STEAP4: variants seen among roughly 807,000 people sequenced by gnomAD.
STEAP4 encodes metalloreductase STEAP4.
In STEAP4, 36 loss-of-function variants were observed where a neutral mutation model predicts 43.6. That is an observed-to-expected ratio of 0.83 (90% CI 0.63 to 1.09). The LOEUF (loss-of-function observed/expected upper bound fraction) is 1.09. Among genes scored for constraint, STEAP4 ranks in the 50% least tolerant of loss-of-function variants. STEAP4 has a pLI of 0.00. For synonymous variants in STEAP4, 191 were observed against 196.7 expected, an observed-to-expected ratio of 0.97 and a Z score of 0.24; for missense variants, 495 against 546.5, an observed-to-expected ratio of 0.91 and a Z score of 0.94.
At chr7:88,285,827 A>T (rs1318442259) in intron 1 of STEAP4, among the ~76,000 whole-genome samples, 5 of 151,968 alleles carry the variant, frequency 3.3e-5, no homozygotes, top group Non-Finnish European at 5.9e-5. Context: ...AATAAGTTTT[A>T]AAAAAATTCA....
At position 88,275,596 on chromosome 7, in the gene STEAP4, ATG is replaced by A. The variant is rs1235605732; in HGVS notation, c.*3800_*3801del. ...CCTGTAAGGCTATCTGTGGGCTCTC[ATG>A]GGGTGTGTGTGTGTGTGTGTGTGTG... On this transcript the variant is annotated 3_prime_UTR_variant, in exon 5 of 5. Coordinates refer to ENST00000380079, the MANE Select transcript of STEAP4 (RefSeq NM_024636.4). The A allele has an allele frequency of 1.4e-5, 2 of 144,858 alleles. No homozygotes were observed. Among genetic ancestry groups the A allele is most frequent in the African/African-American group, 5.3e-5 (2 of 37,998 alleles). 9.0% of individuals were successfully genotyped at this position (144,858 alleles called of 1,614,324 possible).
chr7:88,297,089 C>G (rs999946787), intron 1 of STEAP4, among the ~76,000 whole-genome samples: 1 of 152,106 alleles, frequency 6.6e-6, no homozygotes, highest in African/African-American at 2.4e-5. Context: ...TTTTCAAATT[C>G]TTTCTTTTAA....
chr7:88,294,067 G>A (rs1162951935), intron 1 of STEAP4, among the ~76,000 whole-genome samples: 1 of 152,112 alleles, frequency 6.6e-6, no homozygotes, highest in Non-Finnish European at 1.5e-5. Context: ...ATAGATGACT[G>A]TGCTAAAAAA....
intron 1 of STEAP4, among the ~76,000 whole-genome samples, chr7:88,291,816 TC>T (rs2115992696): frequency 6.6e-6 from 1 of 152,282 alleles, no homozygotes; most frequent in Non-Finnish European, 1.5e-5. Context: ...CATAGGGGTT[TC>T]CTCTCCTTCC....
At chr7:88,279,681 G>T in intron 4 of STEAP4, 53 bp from the exon 5 acceptor site, 2 of 1,409,968 alleles carry the variant, frequency 1.4e-6, no homozygotes, top group Non-Finnish European at 9.8e-7. Context: ...ATCTTAAAGT[G>T]AAACACTCTA....
intron 1 of STEAP4, among the ~76,000 whole-genome samples, chr7:88,299,998 A>G (rs998245294): frequency 2.0e-5 from 3 of 152,156 alleles, no homozygotes; most frequent in Non-Finnish European, 4.4e-5. Flanking sequence ...CCATGGCCCC[A>G]GTGCCTCTGA....
rs899760893 is a variant in STEAP4, at chr7:88,278,202, G to T, written c.*1196C>A. 6.6e-6 allele frequency: 1 copy of T among 152,080 alleles called. No individual in the cohort carries two copies. The highest frequency in any genetic ancestry group is 2.4e-5 in the African/African-American group (1 of 41,416). The allele number at this position is 152,080 out of a possible 1,614,324, so 9.4% of individuals were successfully genotyped here. On this transcript the variant is annotated 3_prime_UTR_variant, in exon 5 of 5. Coordinates refer to ENST00000380079, the MANE Select transcript of STEAP4 (RefSeq NM_024636.4). ...AGCTAGGAAGGTTAATCCCCCTGAAGGTCACCTTGGAAAGGGTACTATCAG... is the reference window on the plus strand; with the variant it reads ...AGCTAGGAAGGTTAATCCCCCTGAATGTCACCTTGGAAAGGGTACTATCAG...
rs140139632 is a variant in STEAP4 at position 88,286,239 on chromosome 7, T to G, written c.-2-1968A>C. 3.7e-3 allele frequency among the ~76,000 whole-genome samples: 562 copies of G among 152,330 alleles called. 7 individuals carry two copies. The South Asian group carries it at 0.059, about 16-fold the overall frequency. The stretch of plus-strand genomic sequence containing the variant: ...CAAAAATTCAACATAACAATTATAA[T>G]TATTACTGATAACATATACTGAGGC... On this transcript the variant is annotated intron_variant, in intron 1 of 4. Transcript: ENST00000380079.
chr7:88,294,908 T>C (rs1369572142), intron 1 of STEAP4, among the ~76,000 whole-genome samples: 1 of 152,160 alleles, frequency 6.6e-6, no homozygotes, highest in African/African-American at 2.4e-5. Flanking sequence ...ACACAAAGTA[T>C]ACAAATGAAG....
In STEAP4 at chr7:88,276,958, C is replaced by A. The variant is rs574545884; in HGVS notation, c.*2440G>T. On this transcript the variant is annotated 3_prime_UTR_variant, in exon 5 of 5. Coordinates refer to ENST00000380079, the MANE Select transcript of STEAP4 (RefSeq NM_024636.4). ...GTAGAGTTCATTTTTTTCTATAGGT[C>A]AGCATTTTACCTATGGATGGCATTT... 6.6e-6 allele frequency: 1 copy of A among 152,224 alleles called. No homozygotes were observed. Among genetic ancestry groups the A allele is most frequent in the African/African-American group, 2.4e-5 (1 of 41,542 alleles). The allele number at this position is 152,224 out of a possible 1,614,324, so 9.4% of individuals were successfully genotyped here. A position where few individuals can be genotyped will look rare whatever the true frequency, so the allele number is the denominator to read the frequency against.
At position 88,282,853 on chromosome 7, in the gene STEAP4, C is replaced by A; in HGVS notation, c.772G>T (p.Val258Phe). The change falls in exon 3 of 5, where the codon GTT becomes TTT. Residue 258 changes from valine to phenylalanine, a missense_variant. Coordinates refer to ENST00000380079, the MANE Select transcript of STEAP4 (RefSeq NM_024636.4). ...PITALTLLAL[V>F]YLPGVIAAIL... ...GCAGCAATAACACCAGGGAGGTAAA[C>A]CAAAGCAAGCAGTGTAAGTGCTGTT... The A allele has an allele frequency of 6.2e-7, 1 of 1,614,050 alleles. No individual in the cohort carries two copies. The highest frequency in any genetic ancestry group is 8.5e-7 in the Non-Finnish European group (1 of 1,180,024).
At chr7:88,287,024 C>T (rs920314281) in intron 1 of STEAP4, among the ~76,000 whole-genome samples, 5 of 152,058 alleles carry the variant, frequency 3.3e-5, no homozygotes, top group African/African-American at 1.2e-4. Flanking sequence ...CAGACAGACA[C>T]CCTGGGAGGT....
chr7:88,284,381 A>C, intron 1 of STEAP4, 110 bp from the exon 2 acceptor site: 1 of 822,194 alleles, frequency 1.2e-6, no homozygotes, highest in East Asian at 2.7e-5. Context: ...TAATCTAATT[A>C]TCTTAACTAT....
rs1429839760 is a variant in STEAP4 at position 88,279,699 on chromosome 7, G to A, written c.1150-71C>T. On this transcript the variant is annotated intron_variant, in intron 4 of 4. Coordinates refer to ENST00000380079, the MANE Select transcript of STEAP4 (RefSeq NM_024636.4). ...TTAAAGTGAAACACTCTAAGCCAGT[G>A]ACAGATATTTGTCAACAACCACAAA... The A allele has an allele frequency of 1.0e-5, 13 of 1,277,736 alleles. No homozygotes were observed. The East Asian group carries it at 1.3e-4, about 12-fold the overall frequency. 79.1% of individuals were successfully genotyped at this position (1,277,736 alleles called of 1,614,324 possible).
chr7:88,306,389 G>C (rs1853132519), intron 1 of STEAP4, among the ~76,000 whole-genome samples: 1 of 152,226 alleles, frequency 6.6e-6, no homozygotes, highest in Admixed American at 6.5e-5. Context: ...CAGGTATCAG[G>C]ACAAATTTTT....
At chr7:88,303,194 A>AC (rs1853067339) in intron 1 of STEAP4, among the ~76,000 whole-genome samples, 1 of 143,122 alleles carries the variant, frequency 7.0e-6, no homozygotes, top group Non-Finnish European at 1.6e-5. Context: ...TAAAAAAAAA[A>AC]AAAAAAAAAA....
chr7:88,305,514 G>A (rs1276847959), intron 1 of STEAP4, among the ~76,000 whole-genome samples: 2 of 152,144 alleles, frequency 1.3e-5, no homozygotes, highest in Non-Finnish European at 2.9e-5. Context: ...TTATATGACT[G>A]CCATTTGTAG....
chr7:88,279,331 C>T lies in STEAP4; in HGVS notation c.*67G>A. ...ATCATTCTTCTTTAAACATTCAAAA[C>T]CATAGTTCAGAAATCCAGCTAAATT... On this transcript the variant is annotated 3_prime_UTR_variant, in exon 5 of 5. Coordinates refer to ENST00000380079, the MANE Select transcript of STEAP4 (RefSeq NM_024636.4). 1 of 1,485,132 alleles carries T rather than the reference C, an allele frequency of 6.7e-7. No homozygotes were observed. The highest frequency in any genetic ancestry group is 1.7e-5 in the Admixed American group (1 of 57,252). The allele number at this position is 1,485,132 out of a possible 1,614,324, so 92.0% of individuals were successfully genotyped here. A position where few individuals can be genotyped will look rare whatever the true frequency, so the allele number is the denominator to read the frequency against.
rs1406629758 is a variant in STEAP4 at position 88,272,380 on chromosome 7, C to G, written c.*7018G>C. 6.6e-6 allele frequency: 1 copy of G among 152,184 alleles called. No individual in the cohort carries two copies. Among genetic ancestry groups the G allele is most frequent in the African/African-American group, 2.4e-5 (1 of 41,440 alleles). The allele number at this position is 152,184 out of a possible 1,614,324, so 9.4% of individuals were successfully genotyped here. ...ATACTTTATTCCTTCCCTGCTCTGTCTACTTTACTACTCCATTCCCAGTAT... is the reference window on the plus strand; with the variant it reads ...ATACTTTATTCCTTCCCTGCTCTGTGTACTTTACTACTCCATTCCCAGTAT... On this transcript the variant is annotated 3_prime_UTR_variant, in exon 5 of 5. Transcript: ENST00000380079.
Sources: gnomAD v4.1 joint callset for allele counts (sites outside exome capture counted in the v4.1 genomes callset) on GRCh38, gnomAD v4.1.1 for gene constraint, MANE v1.5 for transcripts, NCBI Gene and HGNC (gene_info 2026-07-23, HGNC 2026-07-21) for gene names.